Variants in PPP2R2A observed in about 807,000 individuals in gnomAD.
The protein encoded by PPP2R2A is protein phosphatase 2 regulatory subunit Balpha.
A neutral mutation model predicts 53.2 loss-of-function variants in PPP2R2A; 9 were observed. The ratio of observed to expected loss-of-function variants is 0.17; its 90% CI spans 0.10 to 0.30. The LOEUF is 0.30. PPP2R2A is among the 10% of genes least tolerant of loss of function. The pLI is 1.00. For missense variants in PPP2R2A, 235 were observed against 534.6 expected, an observed-to-expected ratio of 0.44 and a Z score of 5.53; for synonymous variants, 169 against 174.2, an observed-to-expected ratio of 0.97 and a Z score of 0.23.
chr8:26,371,612 T>C lies in PPP2R2A; in HGVS notation c.*1199T>C. 1 of 152,206 alleles carries C rather than the reference T, an allele frequency of 6.6e-6. No homozygotes were observed. The highest frequency in any genetic ancestry group is 1.9e-4 in the East Asian group (1 of 5,200). 9.4% of individuals were successfully genotyped at this position (152,206 alleles called of 1,614,324 possible). A position where few individuals can be genotyped will look rare whatever the true frequency, so the allele number is the denominator to read the frequency against. On this transcript the variant is annotated 3_prime_UTR_variant, in exon 10 of 10. Transcript: ENST00000380737. ...TAACATCAAGTGACACTGCACTAAA[T>C]ACTTTTTTTGTATTTTACTGCTATC...
At chr8:26,316,205 A>C (rs1802548601) in intron 2 of PPP2R2A, among the ~76,000 whole-genome samples, 1 of 152,044 alleles carries the variant, frequency 6.6e-6, no homozygotes, top group Non-Finnish European at 1.5e-5. Flanking sequence ...ATGGGGTTTC[A>C]CCATGTTGGC....
intron 2 of PPP2R2A, among the ~76,000 whole-genome samples, chr8:26,304,209 T>C (rs1801914085): frequency 6.7e-6 from 1 of 150,266 alleles, no homozygotes; most frequent in Non-Finnish European, 1.5e-5. Flanking sequence ...TATTACTTTT[T>C]CCTGAGATAA....
intron 3 of PPP2R2A, among the ~76,000 whole-genome samples, chr8:26,347,566 A>G (rs1394800875): frequency 1.3e-5 from 2 of 152,074 alleles, no homozygotes; most frequent in Non-Finnish European, 2.9e-5. Flanking sequence ...CACTTTAACA[A>G]CTTTAGGTTT....
At chr8:26,346,716 A>G (rs1204714266) in intron 3 of PPP2R2A, among the ~76,000 whole-genome samples, 1 of 152,168 alleles carries the variant, frequency 6.6e-6, no homozygotes, top group Non-Finnish European at 1.5e-5. Flanking sequence ...GTTGTTGCAT[A>G]TTTCTTAGTG....
chr8:26,358,984 C>G (rs1227972118), intron 4 of PPP2R2A: 2 of 454,932 alleles, frequency 4.4e-6, no homozygotes. Context: ...AGTGGAGAAG[C>G]CTGGCAAACA....
At position 26,297,091 on chromosome 8, in the gene PPP2R2A, T is replaced by C. The variant is rs1229819999; in HGVS notation, c.82+3351T>C. ...TTAATCTTGTTAATTTCCAAAGGCA[T>C]GTAAAAACAGCCCAAATTCTTTTGG... On this transcript the variant is annotated intron_variant, in intron 2 of 9. Coordinates refer to ENST00000380737, the MANE Select transcript of PPP2R2A (RefSeq NM_002717.4). Among the ~76,000 whole-genome samples the C allele has an allele frequency of 2.6e-5, 4 of 152,252 alleles. No homozygotes were observed. In the East Asian group the frequency reaches 7.7e-4, roughly 29 times the overall value.
At chr8:26,295,706 G>A (rs1434022) in intron 2 of PPP2R2A, among the ~76,000 whole-genome samples, 89,655 of 152,030 alleles carry the variant, frequency 0.59, 26,707 homozygotes, top group South Asian at 0.63. Context: ...ATTTTAGTAA[G>A]ATAACATATC....
chr8:26,303,948 C>G (rs987872767), intron 2 of PPP2R2A, among the ~76,000 whole-genome samples: 3 of 150,818 alleles, frequency 2.0e-5, no homozygotes, highest in Non-Finnish European at 4.4e-5. Flanking sequence ...TAAATCCTCT[C>G]TGTATGTTCA....
chr8:26,293,037 G>A (rs1801377731), intron 1 of PPP2R2A: 1 of 433,966 alleles, frequency 2.3e-6, no homozygotes, highest in African/African-American at 2.0e-5. Flanking sequence ...TTCTTTGCCA[G>A]GTCCTTTGGA....
intron 2 of PPP2R2A, among the ~76,000 whole-genome samples, chr8:26,334,215 T>C (rs1168763821): frequency 6.6e-6 from 1 of 152,166 alleles, no homozygotes; most frequent in Non-Finnish European, 1.5e-5. Flanking sequence ...TAAAATAACA[T>C]TGTGATTGGT....
At chr8:26,312,361 A>G (rs1006868621) in intron 2 of PPP2R2A, among the ~76,000 whole-genome samples, 27 of 151,930 alleles carry the variant, frequency 1.8e-4, no homozygotes, top group African/African-American at 5.8e-4. Flanking sequence ...CTTGTGGGGG[A>G]TCCTGTGATT....
At chr8:26,312,543 C>T (rs1330929337) in intron 2 of PPP2R2A, among the ~76,000 whole-genome samples, 1 of 152,180 alleles carries the variant, frequency 6.6e-6, no homozygotes. Context: ...TTGTGCTGTT[C>T]TCACATCAGT....
intron 2 of PPP2R2A, among the ~76,000 whole-genome samples, chr8:26,322,808 T>G (rs1447834136): frequency 6.6e-6 from 1 of 152,166 alleles, no homozygotes; most frequent in Non-Finnish European, 1.5e-5. Context: ...TCAACTTAGT[T>G]CAATTCCAGA....
chr8:26,299,592 G>A (rs1440662076), intron 2 of PPP2R2A, among the ~76,000 whole-genome samples: 1 of 152,016 alleles, frequency 6.6e-6, no homozygotes, highest in African/African-American at 2.4e-5. Context: ...CCCCAAATAA[G>A]GACATAAGTA....
chr8:26,366,138 G>C, intron 8 of PPP2R2A, 177 bp from the exon 9 acceptor site: 1 of 541,966 alleles, frequency 1.8e-6, no homozygotes, highest in Non-Finnish European at 3.2e-6. Flanking sequence ...CTCCCTGAAG[G>C]GCTTGTGTGT....
At chr8:26,368,829 G>C (rs959796588) in intron 9 of PPP2R2A, among the ~76,000 whole-genome samples, 2 of 152,004 alleles carry the variant, frequency 1.3e-5, no homozygotes, top group Non-Finnish European at 2.9e-5. Context: ...TATATAGGCC[G>C]GGCACGGTGG....
At chr8:26,348,926 T>C (rs1253014502) in intron 3 of PPP2R2A, among the ~76,000 whole-genome samples, 1 of 152,182 alleles carries the variant, frequency 6.6e-6, no homozygotes, top group Non-Finnish European at 1.5e-5. Flanking sequence ...ACATATCACT[T>C]TGTAATGTTT....
At chr8:26,309,315 T>C in intron 2 of PPP2R2A, among the ~76,000 whole-genome samples, 1 of 152,212 alleles carries the variant, frequency 6.6e-6, no homozygotes, top group East Asian at 1.9e-4. Flanking sequence ...TATTTGGAAA[T>C]GAGTCTTTTT....
intron 2 of PPP2R2A, among the ~76,000 whole-genome samples, chr8:26,307,034 A>G (rs1194578328): frequency 6.6e-6 from 1 of 152,192 alleles, no homozygotes; most frequent in Non-Finnish European, 1.5e-5. Context: ...AGGAAAATGT[A>G]TTCTAGGAAT....
Sources: gnomAD v4.1 joint callset for allele counts (sites outside exome capture counted in the v4.1 genomes callset) on GRCh38, gnomAD v4.1.1 for gene constraint, MANE v1.5 for transcripts, NCBI Gene and HGNC (gene_info 2026-07-23, HGNC 2026-07-21) for gene names.